The following CNTNAP2 variants were observed in gnomAD, a reference collection of about 807,000 sequenced individuals.
The protein encoded by CNTNAP2 is contactin associated protein 2.
A neutral mutation model predicts 155.2 loss-of-function variants in CNTNAP2; 98 were observed. That is an observed-to-expected ratio of 0.63 (90% CI 0.54 to 0.75). The LOEUF is 0.75. CNTNAP2 is among the 30% of genes least tolerant of loss of function. The pLI is 0.00. For synonymous variants in CNTNAP2, 651 were observed against 631.2 expected, an observed-to-expected ratio of 1.03 and a Z score of -0.47; for missense variants, 1,727 against 1,688.1, an observed-to-expected ratio of 1.02 and a Z score of -0.40.
At chr7:147,185,827 T>G (rs1476000054) in intron 8 of CNTNAP2, among the ~76,000 whole-genome samples, 1 of 152,060 alleles carries the variant, frequency 6.6e-6, no homozygotes, top group Non-Finnish European at 1.5e-5. Context: ...TGGGGACAGG[T>G]TTTTCCTGTG....
intron 3 of CNTNAP2, among the ~76,000 whole-genome samples, chr7:147,026,786 G>C (rs1798929275): frequency 6.6e-6 from 1 of 151,338 alleles, no homozygotes; most frequent in Non-Finnish European, 1.5e-5. Context: ...ATTTGAGGGG[G>C]CTTTTTGGTA....
chr7:146,467,168 G>A (rs550528400), intron 1 of CNTNAP2, among the ~76,000 whole-genome samples: 4 of 152,128 alleles, frequency 2.6e-5, no homozygotes, highest in Non-Finnish European at 5.9e-5. Flanking sequence ...AAATTAGCGT[G>A]TTAATTTTAA....
At chr7:146,997,466 G>A (rs113280946) in intron 3 of CNTNAP2, among the ~76,000 whole-genome samples, 2 of 152,034 alleles carry the variant, frequency 1.3e-5, no homozygotes, top group African/African-American at 4.8e-5. Context: ...GTTGAATTTG[G>A]TTTACTAGTA....
At chr7:148,041,861 G>A (rs2116479522) in intron 15 of CNTNAP2, among the ~76,000 whole-genome samples, 1 of 152,216 alleles carries the variant, frequency 6.6e-6, no homozygotes, top group South Asian at 2.1e-4. Flanking sequence ...AACCTCCACG[G>A]AATATATACA....
intron 15 of CNTNAP2, among the ~76,000 whole-genome samples, chr7:148,012,064 T>G (rs988646000): frequency 3.3e-5 from 5 of 152,124 alleles, no homozygotes; most frequent in Non-Finnish European, 5.9e-5. Context: ...TTCTTCCCCA[T>G]TTTTTTGGTT....
At chr7:147,031,810 C>T (rs1473985173) in intron 3 of CNTNAP2, among the ~76,000 whole-genome samples, 1 of 152,164 alleles carries the variant, frequency 6.6e-6, no homozygotes, top group African/African-American at 2.4e-5. Flanking sequence ...CCCAGCTACT[C>T]AGGAGGCTGA....
Position 147,235,124 on chromosome 7 carries a change from A to G in CNTNAP2, c.1349-65017A>G, listed in dbSNP as rs539104275. 1.6e-4 allele frequency among the ~76,000 whole-genome samples: 25 copies of G among 152,206 alleles called. No individual in the cohort carries two copies. The South Asian group carries it at 5.0e-3, about 30-fold the overall frequency. ...TCAGTTGAAGGCCTGATTAGAACAA[A>G]AAGACTGACTCTTCCCCGAGTGAGA... On this transcript the variant is annotated intron_variant, in intron 8 of 23. Transcript: ENST00000361727.
chr7:148,380,924 G>A (rs1799042942), intron 21 of CNTNAP2, among the ~76,000 whole-genome samples: 1 of 152,236 alleles, frequency 6.6e-6, no homozygotes, highest in South Asian at 2.1e-4. Flanking sequence ...CCTCATGGGA[G>A]GAAGCACGCA....
intron 8 of CNTNAP2, among the ~76,000 whole-genome samples, chr7:147,168,260 A>G (rs777876098): frequency 5.9e-5 from 9 of 151,520 alleles, no homozygotes; most frequent in Non-Finnish European, 1.3e-4. Context: ...ATATATGTAT[A>G]AAACTCAATT....
chr7:148,125,618 T>G (rs1197867248), intron 16 of CNTNAP2, among the ~76,000 whole-genome samples: 1 of 152,080 alleles, frequency 6.6e-6, no homozygotes. Flanking sequence ...TACCACATTT[T>G]CTTTATTTGA....
At chr7:146,821,299 G>T (rs953762932) in intron 2 of CNTNAP2, among the ~76,000 whole-genome samples, 1 of 151,562 alleles carries the variant, frequency 6.6e-6, no homozygotes, top group Non-Finnish European at 1.5e-5. Context: ...GCAGTGGCTG[G>T]TACCAGTTGT....
In CNTNAP2 at chr7:146,905,750, C is replaced by T. The variant is rs1377717462; in HGVS notation, c.402+65846C>T. Among the ~76,000 whole-genome samples the T allele has an allele frequency of 3.9e-5, 6 of 152,140 alleles. No homozygotes were observed. The East Asian group carries it at 1.2e-3, about 29-fold the overall frequency. On this transcript the variant is annotated intron_variant, in intron 3 of 23. Coordinates refer to ENST00000361727, the MANE Select transcript of CNTNAP2 (RefSeq NM_014141.6). ...TGTATTAGCAGAATGAAACCTATAA[C>T]AATTTTTAACTTAATACAATAAAAT...
intron 13 of CNTNAP2, among the ~76,000 whole-genome samples, chr7:147,820,460 G>A (rs1798344118): frequency 6.6e-6 from 1 of 152,004 alleles, no homozygotes; most frequent in Non-Finnish European, 1.5e-5. Context: ...ATGATTTTAT[G>A]ATCTGCCTAT....
chr7:146,490,853 A>G (rs1316063432), intron 1 of CNTNAP2, among the ~76,000 whole-genome samples: 1 of 152,198 alleles, frequency 6.6e-6, no homozygotes, highest in African/African-American at 2.4e-5. Flanking sequence ...TATATCTATC[A>G]TGGGAATGTA....
intron 3 of CNTNAP2, among the ~76,000 whole-genome samples, chr7:147,041,790 G>A (rs1269697141): frequency 6.6e-6 from 1 of 152,204 alleles, no homozygotes; most frequent in Non-Finnish European, 1.5e-5. Flanking sequence ...AACATGCTAA[G>A]CATATAGTTA....
chr7:147,278,738 C>T (rs1804960878), intron 8 of CNTNAP2, among the ~76,000 whole-genome samples: 1 of 151,280 alleles, frequency 6.6e-6, no homozygotes, highest in Non-Finnish European at 1.5e-5. Flanking sequence ...CATTATATAG[C>T]TATAAAATTT....
chr7:146,155,360 GAAC>G (rs1001588068), intron 1 of CNTNAP2, among the ~76,000 whole-genome samples: 1 of 152,134 alleles, frequency 6.6e-6, no homozygotes, highest in Non-Finnish European at 1.5e-5. Flanking sequence ...TGATATTTCA[GAAC>G]AACAAGTACT....
At chr7:148,248,416 C>A (rs993398867) in intron 20 of CNTNAP2, among the ~76,000 whole-genome samples, 1 of 152,138 alleles carries the variant, frequency 6.6e-6, no homozygotes, top group Non-Finnish European at 1.5e-5. Flanking sequence ...CCAGGCTGGT[C>A]TTGAACTCCT....
chr7:147,602,232 G>T (rs986746803), intron 12 of CNTNAP2, among the ~76,000 whole-genome samples: 2 of 151,780 alleles, frequency 1.3e-5, no homozygotes, highest in Admixed American at 6.6e-5. Context: ...CATTTTTATA[G>T]GAATTATAGG....
Sources: allele counts gnomAD v4.1 joint callset (sites outside exome capture counted in the v4.1 genomes callset), GRCh38; gene constraint gnomAD v4.1.1; transcripts MANE v1.5; gene names NCBI Gene and HGNC (gene_info 2026-07-23, HGNC 2026-07-21).